The following ZBTB5 variants were observed in gnomAD, a reference collection of about 807,000 sequenced individuals.
ZBTB5 encodes zinc finger and BTB domain containing 5, also known as zinc finger and BTB domain-containing protein 5.
ZBTB5 carries 15 observed loss-of-function variants against 37.9 expected under a neutral mutation model. That is an observed-to-expected ratio of 0.40 (90% CI 0.26 to 0.61). ZBTB5 has a LOEUF of 0.61. ZBTB5 is among the 20% of genes least tolerant of loss of function. The probability of loss-of-function intolerance (pLI) is 0.47; values close to 1 mark genes in which losing one functional copy is unlikely to be tolerated. For synonymous variants in ZBTB5, 315 were observed against 312.4 expected (o/e 1.01, Z -0.09); for missense variants, 708 against 856.8 (o/e 0.83, Z 2.17).
At chr9:37,461,689 T>C (rs1263686465) in intron 1 of ZBTB5, among the ~76,000 whole-genome samples, 1 of 152,002 alleles carries the variant, frequency 6.6e-6, no homozygotes, top group Non-Finnish European at 1.5e-5. Flanking sequence ...GATCAGATTA[T>C]GCCATTGCAC....
rs761604142 is a variant in ZBTB5 at position 37,442,540 on chromosome 9, A to C, written c.12T>G (p.Pro4=). 1.2e-6 allele frequency: 2 copies of C among 1,600,686 alleles called. No homozygotes were observed. The highest frequency in any genetic ancestry group is 2.2e-5 in the South Asian group (2 of 89,990). The change falls in exon 2 of 2, where the codon CCT becomes CCG. Residue 4 remains proline, a synonymous_variant. Transcript: ENST00000307750. ...GCTGGAAGATTTGTTCAAAGTGACC[A>C]GGAAAATCCATGATCCTACAGAAAA... MDF[P]GHFEQIFQQL...
intron 1 of ZBTB5, among the ~76,000 whole-genome samples, chr9:37,448,943 C>A (rs533507630): frequency 6.6e-6 from 1 of 151,460 alleles, no homozygotes; most frequent in Non-Finnish European, 1.5e-5. Context: ...ACTGGGGAGG[C>A]TGAGGCAGGA....
At position 37,441,284 on chromosome 9, in the gene ZBTB5, G is replaced by A; in HGVS notation, c.1268C>T (p.Ala423Val). 6.2e-7 allele frequency: 1 copy of A among 1,614,162 alleles called. No homozygotes were observed. The highest frequency in any genetic ancestry group is 8.5e-7 in the Non-Finnish European group (1 of 1,180,038). ...LNKSRGNNFT[A>V]NQNNDDNIPN... ...AATATTATCATCATTGTTCTGATTT[G>A]CAGTAAAGTTATTTCCTCTGCTCTT... Residue 423 changes from alanine (A) to valine (V), a missense_variant, in exon 2 of 2, where the codon GCA (alanine) becomes GTA (valine). Ala to Val is a moderately conservative substitution (Grantham distance 64). This residue lies in a region of ZBTB5 where 639 missense variants were observed against 690.5 expected (regional missense o/e 0.93). Transcript: ENST00000307750.
chr9:37,459,680 G>A (rs1176815801), intron 1 of ZBTB5, among the ~76,000 whole-genome samples: 1 of 149,046 alleles, frequency 6.7e-6, no homozygotes, highest in African/African-American at 2.5e-5. Flanking sequence ...CGAATAGCTG[G>A]GATTACAGGC....
rs575356442 is a variant in ZBTB5, at chr9:37,455,929, C to T, written c.-5+9286G>A. 2.6e-3 allele frequency among the ~76,000 whole-genome samples: 395 copies of T among 151,634 alleles called. 2 individuals carry two copies. Among genetic ancestry groups the T allele is most frequent in the African/African-American group, 9.1e-3 (378 of 41,322 alleles). Reference sequence around the variant, plus strand: ...CAAGCAATCCTCCTACCACAGGCTCCGGAAGTGCAGGCTAGGATTTTTTTT... The same window carrying T: ...CAAGCAATCCTCCTACCACAGGCTCTGGAAGTGCAGGCTAGGATTTTTTTT... On this transcript the variant is annotated intron_variant, in intron 1 of 1. Transcript: ENST00000307750.
chr9:37,456,123 G>C (rs1824183547), intron 1 of ZBTB5, among the ~76,000 whole-genome samples: 1 of 151,558 alleles, frequency 6.6e-6, no homozygotes, highest in African/African-American at 2.4e-5. Flanking sequence ...GCTAATTTTT[G>C]TATTTTTTGT....
intron 1 of ZBTB5, among the ~76,000 whole-genome samples, chr9:37,445,643 CAAAA>C (rs762452347): frequency 9.6e-6 from 1 of 103,930 alleles, no homozygotes; most frequent in Admixed American, 1.0e-4. Flanking sequence ...GAGACCCTGT[CAAAA>C]AAAAAAAAAG....
chr9:37,446,520 T>TGAA, intron 1 of ZBTB5, among the ~76,000 whole-genome samples: 1 of 152,370 alleles, frequency 6.6e-6, no homozygotes, highest in Non-Finnish European at 1.5e-5. Flanking sequence ...TGAGCTTTGA[T>TGAA]GAACTTTCAA....
At chr9:37,455,122 C>T (rs562593389) in intron 1 of ZBTB5, among the ~76,000 whole-genome samples, 7 of 152,152 alleles carry the variant, frequency 4.6e-5, no homozygotes, top group Non-Finnish European at 7.3e-5. Context: ...ACCATGCTAT[C>T]CTGTACACAT....
chr9:37,449,694 CAA>C (rs60696023), intron 1 of ZBTB5, among the ~76,000 whole-genome samples: 2,063 of 49,970 alleles, frequency 0.041, 30 homozygotes, highest in African/African-American at 0.11. Context: ...ATGAGACTCT[CAA>C]AAAAAAAAAA....
At chr9:37,453,474 G>A (rs1388546517) in intron 1 of ZBTB5, among the ~76,000 whole-genome samples, 3 of 152,058 alleles carry the variant, frequency 2.0e-5, no homozygotes, top group African/African-American at 7.2e-5. Context: ...GCACCATGAA[G>A]TTTTCAGATC....
chr9:37,442,014 C>T lies in ZBTB5; in HGVS notation c.538G>A (p.Asp180Asn). ...CTCATGGGGAAGGGCGTGCGCTGAT[C>T]CAGGTTACTGCGCATGGAAGAGCTC... ...PMSSSMRSNL[D>N]QRTPFPMRRL... is the part of the protein sequence containing the mutation. Residue 180 changes from aspartate to asparagine, a missense_variant, in exon 2 of 2, where the codon GAT (aspartate) becomes AAT (asparagine). This residue lies in a region of ZBTB5 where 639 missense variants were observed against 690.5 expected (regional missense o/e 0.93). Coordinates refer to ENST00000307750, the MANE Select transcript of ZBTB5 (RefSeq NM_014872.3). The T allele has an allele frequency of 6.2e-7, 1 of 1,613,848 alleles. No individual in the cohort carries two copies. The highest frequency in any genetic ancestry group is 1.3e-5 in the African/African-American group (1 of 75,052).
intron 1 of ZBTB5, among the ~76,000 whole-genome samples, chr9:37,458,554 CTT>C (rs1824233130): frequency 6.6e-6 from 1 of 152,180 alleles, no homozygotes; most frequent in African/African-American, 2.4e-5. Flanking sequence ...AATAAGATAA[CTT>C]AGTACTACTT....
chr9:37,442,376 T>G lies in ZBTB5; in HGVS notation c.176A>C (p.Asp59Ala), dbSNP rs986628127. 2.5e-6 allele frequency: 4 copies of G among 1,614,010 alleles called. No individual in the cohort carries two copies. The African/African-American group carries it at 5.3e-5, about 22-fold the overall frequency. The change falls in exon 2 of 2, where the codon GAT becomes GCT. Residue 59 changes from aspartate to alanine, a missense_variant. Asp to Ala is a moderately radical substitution (Grantham distance 126, BLOSUM62 -2). Transcript: ENST00000307750. ...FRALFSVAEG[D>A]QTMNMIQLDS... The stretch of plus-strand genomic sequence containing the variant: ...CAGCTGGATCATGTTCATGGTCTGA[T>G]CTCCTTCTGCCACTGAGAACAGGGC...
At chr9:37,454,262 C>T (rs1228955992) in intron 1 of ZBTB5, among the ~76,000 whole-genome samples, 2 of 152,202 alleles carry the variant, frequency 1.3e-5, no homozygotes, top group Non-Finnish European at 2.9e-5. Flanking sequence ...ACTCAGAACT[C>T]TCAAGTAATT....
At chr9:37,459,503 T>C (rs1588784256) in intron 1 of ZBTB5, among the ~76,000 whole-genome samples, 1 of 151,868 alleles carries the variant, frequency 6.6e-6, no homozygotes, top group Non-Finnish European at 1.5e-5. Flanking sequence ...TCCCAACTGA[T>C]GTGTAGCATA....
chr9:37,447,940 T>C (rs1188876582), intron 1 of ZBTB5, among the ~76,000 whole-genome samples: 2 of 152,030 alleles, frequency 1.3e-5, no homozygotes, highest in Non-Finnish European at 2.9e-5. Flanking sequence ...GAAGATTACC[T>C]GAGCCTAGGA....
intron 1 of ZBTB5, among the ~76,000 whole-genome samples, chr9:37,463,908 A>T (rs1042786326): frequency 1.3e-5 from 2 of 152,192 alleles, no homozygotes; most frequent in Non-Finnish European, 2.9e-5. Flanking sequence ...ACAGGTCCCC[A>T]CCCAAGTAGT....
At chr9:37,454,612 A>T (rs577694697) in intron 1 of ZBTB5, among the ~76,000 whole-genome samples, 1 of 152,350 alleles carries the variant, frequency 6.6e-6, no homozygotes, top group East Asian at 1.9e-4. Context: ...TCAAAAGATG[A>T]CTTTTCTCAA....
Sources: allele counts gnomAD v4.1 joint callset (sites outside exome capture counted in the v4.1 genomes callset), GRCh38; gene constraint gnomAD v4.1.1; regional missense constraint gnomAD v4.1.1; transcripts MANE v1.5; gene names NCBI Gene and HGNC (gene_info 2026-07-23, HGNC 2026-07-21).